Variants in GRID2 observed in about 807,000 individuals in gnomAD.
The protein encoded by GRID2 is glutamate ionotropic receptor delta type subunit 2.
A neutral mutation model predicts 114.8 loss-of-function variants in GRID2; 33 were observed. The observed-to-expected ratio is 0.29, with a 90% CI of 0.22 to 0.38. The LOEUF is 0.38. Ranked by LOEUF, GRID2 falls within the 10% of genes least tolerant of loss-of-function variation. The pLI, the probability that GRID2 is intolerant of heterozygous loss-of-function variation, is 1.00. For missense variants in GRID2, 1,184 were observed against 1,257.7 expected, an observed-to-expected ratio of 0.94 and a Z score of 0.89; for synonymous variants, 505 against 449.9, an observed-to-expected ratio of 1.12 and a Z score of -1.55.
At chr4:92,448,405 G>A (rs940509078) in intron 1 of GRID2, among the ~76,000 whole-genome samples, 4 of 152,034 alleles carry the variant, frequency 2.6e-5, no homozygotes, top group Non-Finnish European at 4.4e-5. Flanking sequence ...AACCTCAAGT[G>A]ATCCTCCTAC....
At chr4:93,600,545 A>G (rs1002086108) in intron 13 of GRID2, among the ~76,000 whole-genome samples, 29 of 152,146 alleles carry the variant, frequency 1.9e-4, no homozygotes, top group African/African-American at 6.0e-4. Flanking sequence ...CATAATAGCT[A>G]GAATTAGAAA....
At chr4:92,718,046 T>C (rs1240705429) in intron 2 of GRID2, among the ~76,000 whole-genome samples, 1 of 152,176 alleles carries the variant, frequency 6.6e-6, no homozygotes, top group African/African-American at 2.4e-5. Flanking sequence ...ATTACTCATT[T>C]GTAGAAAACC....
At chr4:93,127,569 T>G (rs1351223366) in intron 4 of GRID2, among the ~76,000 whole-genome samples, 1 of 152,192 alleles carries the variant, frequency 6.6e-6, no homozygotes, top group Non-Finnish European at 1.5e-5. Context: ...ACACATGTAT[T>G]TATCACACTA....
intron 9 of GRID2, among the ~76,000 whole-genome samples, chr4:93,415,923 T>C (rs749230342): frequency 6.6e-6 from 1 of 152,020 alleles, no homozygotes; most frequent in African/African-American, 2.4e-5. Context: ...TTTACTTTTA[T>C]CATTTGTAAT....
intron 1 of GRID2, among the ~76,000 whole-genome samples, chr4:92,460,494 A>G (rs572785479): frequency 1.3e-5 from 2 of 152,192 alleles, no homozygotes; most frequent in Non-Finnish European, 2.9e-5. Flanking sequence ...AAACCTATCC[A>G]TCTGTAATGG....
At chr4:93,364,220 G>GTTTGTAGGTAATCTGTTTTTGTGC (rs1762131691) in intron 8 of GRID2, among the ~76,000 whole-genome samples, 1 of 151,908 alleles carries the variant, frequency 6.6e-6, no homozygotes, top group African/African-American at 2.4e-5. Context: ...ATTTTTATTT[G>GTTTGTAGGTAATCTGTTTTTGTGC]TTTGTAGGTA....
intron 2 of GRID2, among the ~76,000 whole-genome samples, chr4:92,779,525 C>A: frequency 6.6e-6 from 1 of 152,002 alleles, no homozygotes; most frequent in East Asian, 1.9e-4. Flanking sequence ...AGTGAGCATT[C>A]CTAAATTTAC....
intron 2 of GRID2, among the ~76,000 whole-genome samples, chr4:92,710,287 T>A (rs1735183827): frequency 6.6e-6 from 1 of 152,124 alleles, no homozygotes; most frequent in Non-Finnish European, 1.5e-5. Flanking sequence ...AAGAAAATAG[T>A]AAGTACTAAA....
At chr4:93,745,708 A>C (rs953337935) in intron 14 of GRID2, among the ~76,000 whole-genome samples, 19 of 152,218 alleles carry the variant, frequency 1.2e-4, no homozygotes, top group African/African-American at 4.3e-4. Flanking sequence ...ATATGGAGCC[A>C]AGTTTAACTA....
At chr4:93,497,862 A>G (rs1157164698) in intron 12 of GRID2, among the ~76,000 whole-genome samples, 2 of 151,858 alleles carry the variant, frequency 1.3e-5, no homozygotes, top group African/African-American at 4.8e-5. Flanking sequence ...GTCTATATCT[A>G]CAAAAATATT....
chr4:93,798,398 A>C (rs10031253), intron 1 of GRID2, among the ~76,000 whole-genome samples: 76,530 of 151,716 alleles, frequency 0.5, 19,741 homozygotes, highest in Non-Finnish European at 0.55. Flanking sequence ...ACTAGATAAC[A>C]AGTGTGGACC....
chr4:93,706,036 T>C (rs1158459772), intron 14 of GRID2, among the ~76,000 whole-genome samples: 1 of 152,190 alleles, frequency 6.6e-6, no homozygotes, highest in Non-Finnish European at 1.5e-5. Flanking sequence ...ACCATTAGTC[T>C]ATGTGTCTGT....
chr4:92,779,664 T>C (rs568843775), intron 2 of GRID2, among the ~76,000 whole-genome samples: 2 of 152,256 alleles, frequency 1.3e-5, no homozygotes, highest in East Asian at 3.9e-4. Flanking sequence ...AAATAAGGAA[T>C]GGGAGAAGGG....
chr4:92,784,720 G>A (rs111979437), intron 2 of GRID2, among the ~76,000 whole-genome samples: 3 of 151,900 alleles, frequency 2.0e-5, no homozygotes, highest in African/African-American at 7.2e-5. Context: ...GGCATTTTTA[G>A]GTTATGTCTA....
chr4:93,268,247 C>T (rs1356543388), intron 8 of GRID2, among the ~76,000 whole-genome samples: 1 of 152,080 alleles, frequency 6.6e-6, no homozygotes, highest in Non-Finnish European at 1.5e-5. Flanking sequence ...TCCATTCCAC[C>T]ATCTGGGGAA....
intron 2 of GRID2, among the ~76,000 whole-genome samples, chr4:92,883,620 C>T (rs368916139): frequency 1.3e-5 from 2 of 152,026 alleles, no homozygotes; most frequent in East Asian, 1.9e-4. Context: ...ATTCATAGCT[C>T]GTAGAATGGA....
At chr4:92,546,193 C>A (rs1187580598) in intron 1 of GRID2, among the ~76,000 whole-genome samples, 1 of 152,022 alleles carries the variant, frequency 6.6e-6, no homozygotes, top group African/African-American at 2.4e-5. Context: ...TTACAGAAGT[C>A]TCTTTGATTA....
intron 12 of GRID2, among the ~76,000 whole-genome samples, chr4:93,494,272 C>T (rs577467089): frequency 6.6e-6 from 1 of 151,782 alleles, no homozygotes; most frequent in Non-Finnish European, 1.5e-5. Context: ...GTGCCATTGG[C>T]AAACACATGC....
At chr4:93,448,907 TCCCTTCCCTTC>T (rs781393552) in intron 10 of GRID2, among the ~76,000 whole-genome samples, 1 of 11,866 alleles carries the variant, frequency 8.4e-5, no homozygotes, top group Admixed American at 6.4e-4. Flanking sequence ...CCCCTTCCCT[TCCCTTCCCTTC>T]CCCTTCCCTT....
Sources: gnomAD v4.1 joint callset for allele counts (sites outside exome capture counted in the v4.1 genomes callset) on GRCh38, gnomAD v4.1.1 for gene constraint, MANE v1.5 for transcripts, NCBI Gene and HGNC (gene_info 2026-07-23, HGNC 2026-07-21) for gene names.